Variants in COG5 observed in about 807,000 individuals in gnomAD.
The protein encoded by COG5 is component of oligomeric golgi complex 5, also known as conserved oligomeric Golgi complex subunit 5.
A neutral mutation model predicts 110.4 loss-of-function variants in COG5; 86 were observed. That is an observed-to-expected ratio of 0.78 (90% CI 0.65 to 0.93). The LOEUF (loss-of-function observed/expected upper bound fraction) is 0.93, where lower values mean the gene tolerates loss of function less well. Among genes scored for constraint, COG5 ranks in the 40% least tolerant of loss-of-function variants. COG5 has a pLI of 0.00. For missense variants in COG5, 1,077 were observed against 987.0 expected (o/e 1.09, Z -1.22); for synonymous variants, 360 against 334.6 (o/e 1.08, Z -0.83).
intron 11 of COG5, among the ~76,000 whole-genome samples, chr7:107,302,729 T>C (rs965577440): frequency 1.3e-4 from 20 of 152,204 alleles, no homozygotes; most frequent in African/African-American, 4.3e-4. Context: ...GGTAACATCA[T>C]CCTGCAGACA....
chr7:107,392,345 T>A (rs1049071995), intron 7 of COG5, among the ~76,000 whole-genome samples: 1 of 152,194 alleles, frequency 6.6e-6, no homozygotes, highest in Non-Finnish European at 1.5e-5. Flanking sequence ...ATATATGATG[T>A]CTACTTTTCC....
intron 7 of COG5, among the ~76,000 whole-genome samples, chr7:107,382,707 G>A (rs550461986): frequency 9.2e-5 from 14 of 152,162 alleles, no homozygotes; most frequent in Non-Finnish European, 1.0e-4. Context: ...CCAAAGTGCT[G>A]AGATTACAGG....
intron 11 of COG5, among the ~76,000 whole-genome samples, chr7:107,318,802 C>T (rs1048239916): frequency 3.9e-5 from 6 of 152,218 alleles, no homozygotes; most frequent in South Asian, 2.1e-4. Flanking sequence ...TCCATAAACG[C>T]CCTATCTCCA....
At chr7:107,324,773 T>C (rs931116721) in intron 10 of COG5, among the ~76,000 whole-genome samples, 2 of 152,226 alleles carry the variant, frequency 1.3e-5, no homozygotes, top group East Asian at 3.8e-4. Context: ...GCATGTTGCT[T>C]AGCCATTCAG....
chr7:107,502,483 T>C (rs1266703420), intron 6 of COG5, among the ~76,000 whole-genome samples: 5 of 152,302 alleles, frequency 3.3e-5, no homozygotes, highest in African/African-American at 1.2e-4. Flanking sequence ...AATAAAGATA[T>C]GTGTGCACGT....
intron 7 of COG5, among the ~76,000 whole-genome samples, chr7:107,376,651 T>C (rs1814662874): frequency 6.6e-6 from 1 of 152,052 alleles, no homozygotes; most frequent in African/African-American, 2.4e-5. Context: ...CTCTATCTCA[T>C]TGCTTTTCTT....
intron 10 of COG5, among the ~76,000 whole-genome samples, chr7:107,327,716 T>G (rs1809891248): frequency 6.6e-6 from 1 of 152,102 alleles, no homozygotes; most frequent in South Asian, 2.1e-4. Flanking sequence ...TATCACTAAT[T>G]ATCATGGAAA....
At chr7:107,457,908 G>A (rs889892758) in intron 6 of COG5, among the ~76,000 whole-genome samples, 1 of 151,966 alleles carries the variant, frequency 6.6e-6, no homozygotes, top group Non-Finnish European at 1.5e-5. Context: ...CCCCAAGCAA[G>A]GAAGGAGAGT....
intron 18 of COG5, 30 bp downstream of exon 18, chr7:107,236,420 T>C (rs1013527539): frequency 4.6e-6 from 7 of 1,518,520 alleles, no homozygotes; most frequent in Non-Finnish European, 6.4e-6. Flanking sequence ...GCCAAAACAT[T>C]TTTTCTTTTG....
chr7:107,388,713 C>T (rs943416402), intron 7 of COG5, among the ~76,000 whole-genome samples: 2 of 152,186 alleles, frequency 1.3e-5, no homozygotes, highest in Non-Finnish European at 2.9e-5. Flanking sequence ...CAGTAATGTA[C>T]GGTGTGGTCC....
intron 6 of COG5, among the ~76,000 whole-genome samples, chr7:107,489,760 CA>C (rs1238157603): frequency 6.6e-6 from 1 of 152,118 alleles, no homozygotes; most frequent in Admixed American, 6.6e-5. Flanking sequence ...ATGTATTCAA[CA>C]ACTAACTTGC....
intron 7 of COG5, 114 bp from the exon 8 acceptor site, chr7:107,372,874 AC>A: frequency 1.1e-6 from 1 of 874,998 alleles, no homozygotes; most frequent in Non-Finnish European, 1.7e-6. Context: ...TTTAAATACT[AC>A]CATATTTTAA....
At position 107,563,543 on chromosome 7, in the gene COG5, AT is replaced by A. The variant is rs1230375721; in HGVS notation, c.94+259del. 0.015 allele frequency: 4,765 copies of A among 314,796 alleles called. 52 individuals are homozygous for A. Among genetic ancestry groups the A allele is most frequent in the Non-Finnish European group, 0.019 (3,334 of 179,412 alleles). The allele number at this position is 314,796 out of a possible 1,614,324, so 19.5% of individuals were successfully genotyped here. ...CCGAAACTTCAGGGAAGCTGGAGGCATGGGGGGGGGGGGGGTCGAGTTGAAA... is the reference window on the plus strand; with the variant it reads ...CCGAAACTTCAGGGAAGCTGGAGGCAGGGGGGGGGGGGGGTCGAGTTGAAA... On this transcript the variant is annotated intron_variant, in intron 1 of 21. Transcript: ENST00000297135.
chr7:107,248,342 G>T, intron 17 of COG5, 54 bp downstream of exon 17: 2 of 1,086,334 alleles, frequency 1.8e-6, no homozygotes, highest in South Asian at 1.2e-5. Context: ...ATAGAGGTGG[G>T]AATACAAAAT....
intron 7 of COG5, among the ~76,000 whole-genome samples, chr7:107,388,892 G>A (rs894780348): frequency 4.6e-5 from 7 of 152,122 alleles, no homozygotes; most frequent in South Asian, 4.1e-4. Flanking sequence ...TGAACAATGC[G>A]GCTTCCACAG....
At chr7:107,228,319 A>G (rs1800516840) in intron 19 of COG5, among the ~76,000 whole-genome samples, 1 of 151,648 alleles carries the variant, frequency 6.6e-6, no homozygotes, top group South Asian at 2.1e-4. Context: ...AAAAAAAAAA[A>G]AAAAAAGCCA....
At chr7:107,389,947 GT>G (rs1218453390) in intron 7 of COG5, among the ~76,000 whole-genome samples, 11 of 152,094 alleles carry the variant, frequency 7.2e-5, no homozygotes, top group African/African-American at 2.7e-4. Flanking sequence ...CCATCCATAT[GT>G]TTTCCTTAAG....
intron 6 of COG5, among the ~76,000 whole-genome samples, chr7:107,452,755 G>A (rs904876423): frequency 6.6e-6 from 1 of 152,038 alleles, no homozygotes; most frequent in African/African-American, 2.4e-5. Context: ...GTGTGAAAAC[G>A]GACTAATACA....
At chr7:107,290,141 C>G (rs763187533) in intron 12 of COG5, among the ~76,000 whole-genome samples, 1 of 152,198 alleles carries the variant, frequency 6.6e-6, no homozygotes, top group Admixed American at 6.5e-5. Context: ...CCTGTACCCT[C>G]TTCTTTCACA....
Sources: allele counts gnomAD v4.1 joint callset (sites outside exome capture counted in the v4.1 genomes callset), GRCh38; gene constraint gnomAD v4.1.1; transcripts MANE v1.5; gene names NCBI Gene and HGNC (gene_info 2026-07-23, HGNC 2026-07-21).